The following PLAA variants were observed in gnomAD, a reference collection of about 807,000 sequenced individuals.
The protein encoded by PLAA is phospholipase A-2-activating protein.
Under a neutral mutation model 84.1 loss-of-function variants are expected in PLAA, and 48 were observed. The ratio of observed to expected loss-of-function variants is 0.57; its 90% CI spans 0.45 to 0.73. PLAA has a LOEUF of 0.73. PLAA is among the 30% of genes least tolerant of loss of function. The probability of loss-of-function intolerance (pLI) is 0.00; values close to 1 mark genes in which losing one functional copy is unlikely to be tolerated. For missense variants in PLAA, 903 were observed against 954.7 expected (o/e 0.95, Z 0.71); for synonymous variants, 392 against 336.6 (o/e 1.16, Z -1.80).
At chr9:26,910,535 T>C in intron 11 of PLAA, 96 bp from the exon 12 acceptor site, 1 of 865,160 alleles carries the variant, frequency 1.2e-6, no homozygotes, top group South Asian at 1.6e-5. Context: ...TATTGAGATA[T>C]GCAACTATTC....
intron 1 of PLAA, 76 bp from the exon 2 acceptor site, chr9:26,935,282 A>G (rs1825323788): frequency 3.3e-6 from 3 of 904,466 alleles, no homozygotes; most frequent in Non-Finnish European, 3.3e-6. Flanking sequence ...CAAAGCACTC[A>G]TTTTCATTTA....
At chr9:26,930,794 G>A (rs932134700) in intron 2 of PLAA, among the ~76,000 whole-genome samples, 2 of 151,228 alleles carry the variant, frequency 1.3e-5, no homozygotes, top group Non-Finnish European at 3.0e-5. Flanking sequence ...TGTCAGTCAG[G>A]CTGGTCGTGA....
intron 10 of PLAA, chr9:26,915,774 C>G (rs182749206): frequency 1.0e-6 from 1 of 985,244 alleles, no homozygotes; most frequent in African/African-American, 1.7e-5. Context: ...GAGATATGCT[C>G]TGGTTATAAT....
intron 2 of PLAA, among the ~76,000 whole-genome samples, chr9:26,932,814 T>A (rs1362943877): frequency 3.3e-5 from 5 of 152,144 alleles, no homozygotes; most frequent in African/African-American, 7.2e-5. Flanking sequence ...CAAACACACA[T>A]ACAGGCACAC....
At chr9:26,919,961 A>G (rs1824703397) in intron 8 of PLAA, among the ~76,000 whole-genome samples, 1 of 152,192 alleles carries the variant, frequency 6.6e-6, no homozygotes, top group Non-Finnish European at 1.5e-5. Context: ...AGAAGCTCCC[A>G]ATCCAAAATG....
intron 10 of PLAA, among the ~76,000 whole-genome samples, chr9:26,914,460 G>A (rs1427618499): frequency 1.3e-5 from 2 of 152,024 alleles, no homozygotes; most frequent in Non-Finnish European, 2.9e-5. Context: ...TAATGGATCA[G>A]CCTTTATGGG....
At chr9:26,917,575 A>C (rs1824601885) in intron 9 of PLAA, among the ~76,000 whole-genome samples, 1 of 152,198 alleles carries the variant, frequency 6.6e-6, no homozygotes, top group African/African-American at 2.4e-5. Context: ...AATCATTTAG[A>C]GCTCTAGGTT....
intron 2 of PLAA, 70 bp downstream of exon 2, chr9:26,934,943 G>T: frequency 1.8e-6 from 2 of 1,119,296 alleles, no homozygotes; most frequent in Non-Finnish European, 1.3e-6. Context: ...TGAGAAAATG[G>T]ATATGTAAAT....
At chr9:26,926,037 C>A (rs1158870084) in intron 5 of PLAA, 77 bp from the exon 6 acceptor site, 1 of 1,226,684 alleles carries the variant, frequency 8.2e-7, no homozygotes, top group Non-Finnish European at 1.1e-6. Flanking sequence ...TCTAGATACA[C>A]TGACTTTTTG....
Position 26,913,822 on chromosome 9 carries a change from A to C in PLAA, c.1555+57T>G, listed in dbSNP as rs1824466175. The C allele has an allele frequency of 4.0e-6, 5 of 1,257,196 alleles. No homozygotes were observed. The East Asian group carries it at 1.2e-4, about 31-fold the overall frequency. The allele number at this position is 1,257,196 out of a possible 1,614,324, so 77.9% of individuals were successfully genotyped here. A position where few individuals can be genotyped will look rare whatever the true frequency, so the allele number is the denominator to read the frequency against. ...ACAAATTTTCTTACTCTTTTTATTA[A>C]AGTTCCAACGAATTTTTAAAATCTA... On this transcript the variant is annotated intron_variant, in intron 11 of 13. Coordinates refer to ENST00000397292, the MANE Select transcript of PLAA (RefSeq NM_001031689.3).
chr9:26,919,690 C>T (rs908282718), intron 8 of PLAA, among the ~76,000 whole-genome samples, 161 bp from the exon 9 acceptor site: 5 of 152,154 alleles, frequency 3.3e-5, no homozygotes, highest in African/African-American at 1.2e-4. Flanking sequence ...TAAAGATTAA[C>T]AGCCCCCATC....
intron 1 of PLAA, among the ~76,000 whole-genome samples, chr9:26,942,449 C>A (rs12004732): frequency 0.2 from 30,529 of 152,092 alleles, 3,498 homozygotes; most frequent in African/African-American, 0.31. Flanking sequence ...CGAACAAAGA[C>A]TTTGAAATTG....
chr9:26,930,974 G>C (rs1281230854), intron 2 of PLAA, among the ~76,000 whole-genome samples: 1 of 143,872 alleles, frequency 7.0e-6, no homozygotes, highest in African/African-American at 2.5e-5. Flanking sequence ...CCCAGTAAAA[G>C]AAAAAAAAAA....
At chr9:26,919,048 CTTACAAG>C (rs1223814519) in intron 9 of PLAA, 1 of 331,240 alleles carries the variant, frequency 3.0e-6, no homozygotes, top group Admixed American at 4.3e-5. Flanking sequence ...TATAAAAGAA[CTTACAAG>C]TTTATTTTTG....
chr9:26,910,185 A>G (rs555633858), intron 12 of PLAA, among the ~76,000 whole-genome samples, 153 bp downstream of exon 12: 18 of 152,238 alleles, frequency 1.2e-4, no homozygotes, highest in African/African-American at 4.1e-4. Flanking sequence ...ACCAGACTGT[A>G]TATTTGTGGT....
At chr9:26,917,045 A>G (rs1414945923) in intron 10 of PLAA, 52 bp downstream of exon 10, 2 of 1,422,314 alleles carry the variant, frequency 1.4e-6, no homozygotes, top group East Asian at 2.3e-5. Context: ...ATGTGATGCA[A>G]GATGCTATAC....
At chr9:26,910,816 C>T (rs1487971278) in intron 11 of PLAA, among the ~76,000 whole-genome samples, 3 of 151,926 alleles carry the variant, frequency 2.0e-5, no homozygotes, top group African/African-American at 7.3e-5. Context: ...AGCCACCGAG[C>T]CTGGTCTAAG....
At chr9:26,909,700 C>CA (rs1347089892) in intron 12 of PLAA, among the ~76,000 whole-genome samples, 3 of 151,750 alleles carry the variant, frequency 2.0e-5, no homozygotes, top group Non-Finnish European at 4.4e-5. Context: ...GGGCTCACTG[C>CA]AACTCCTCCA....
At chr9:26,930,675 G>A (rs900699945) in intron 2 of PLAA, among the ~76,000 whole-genome samples, 1 of 150,040 alleles carries the variant, frequency 6.7e-6, no homozygotes, top group Non-Finnish European at 1.5e-5. Flanking sequence ...CTCCGCTTCC[G>A]AGGCACAAGT....
Sources: allele counts gnomAD v4.1 joint callset (sites outside exome capture counted in the v4.1 genomes callset), GRCh38; gene constraint gnomAD v4.1.1; transcripts MANE v1.5; gene names NCBI Gene and HGNC (gene_info 2026-07-23, HGNC 2026-07-21).